The following KCNK13 variants were observed in gnomAD, a reference collection of about 807,000 sequenced individuals.
KCNK13 encodes potassium channel subfamily K member 13.
KCNK13 carries 12 observed loss-of-function variants against 23.4 expected under a neutral mutation model. The observed-to-expected ratio is 0.51, with a 90% CI of 0.33 to 0.83. The LOEUF is 0.83. Ranked by LOEUF, KCNK13 falls within the 40% of genes least tolerant of loss-of-function variation. KCNK13 has a pLI of 0.02. For synonymous variants in KCNK13, 231 were observed against 229.5 expected (o/e 1.01, Z -0.06); for missense variants, 463 against 556.3 (o/e 0.83, Z 1.69).
intron 1 of KCNK13, among the ~76,000 whole-genome samples, chr14:90,098,813 T>G (rs2140405010): frequency 6.6e-6 from 1 of 152,276 alleles, no homozygotes; most frequent in South Asian, 2.1e-4. Context: ...GCGCGGTGGC[T>G]CACGCCTGTA....
chr14:90,066,671 T>C (rs1391307577), intron 1 of KCNK13, among the ~76,000 whole-genome samples: 3 of 152,218 alleles, frequency 2.0e-5, no homozygotes, highest in Non-Finnish European at 2.9e-5. Flanking sequence ...TGGAAAATGC[T>C]ATTGAGGATT....
chr14:90,132,067 G>A (rs1283460848), intron 1 of KCNK13, among the ~76,000 whole-genome samples: 1 of 152,214 alleles, frequency 6.6e-6, no homozygotes, highest in Non-Finnish European at 1.5e-5. Context: ...ACAAAATGTG[G>A]TCTATACATA....
rs1890536531 is a variant in KCNK13, at chr14:90,185,115, G to C, written c.*112G>C. ...TCTGTTCCTTCTGGGAGCTGTTCCC[G>C]GGAGCCTCCGCAAGCATCTTTAGAA... On this transcript the variant is annotated 3_prime_UTR_variant, in exon 2 of 2. Transcript: ENST00000282146. 1.0e-6 allele frequency: 1 copy of C among 960,926 alleles called. No individual in the cohort carries two copies. The highest frequency in any genetic ancestry group is 2.7e-5 in the East Asian group (1 of 37,164). 59.5% of individuals were successfully genotyped at this position (960,926 alleles called of 1,614,324 possible). A position where few individuals can be genotyped will look rare whatever the true frequency, so the allele number is the denominator to read the frequency against.
intron 1 of KCNK13, among the ~76,000 whole-genome samples, chr14:90,154,548 G>T (rs971318274): frequency 1.3e-5 from 2 of 152,166 alleles, no homozygotes; most frequent in Non-Finnish European, 2.9e-5. Context: ...AGCCCATCCT[G>T]CAGTCTGTTT....
At chr14:90,064,236 G>A (rs1471668752) in intron 1 of KCNK13, among the ~76,000 whole-genome samples, 1 of 152,088 alleles carries the variant, frequency 6.6e-6, no homozygotes, top group Non-Finnish European at 1.5e-5. Flanking sequence ...TGCATAGCAA[G>A]TACAGGATTT....
At chr14:90,068,947 G>A (rs757720645) in intron 1 of KCNK13, among the ~76,000 whole-genome samples, 30 of 152,140 alleles carry the variant, frequency 2.0e-4, no homozygotes, top group African/African-American at 6.5e-4. Context: ...AAGATGACCC[G>A]GCTCATGAGG....
intron 1 of KCNK13, among the ~76,000 whole-genome samples, chr14:90,157,146 A>C (rs67161529): frequency 0.25 from 38,061 of 152,168 alleles, 6,052 homozygotes; most frequent in East Asian, 0.67. Context: ...TGCCATCTGG[A>C]CCATCAAAGA....
chr14:90,141,952 T>C (rs1181904885), intron 1 of KCNK13, among the ~76,000 whole-genome samples: 3 of 151,716 alleles, frequency 2.0e-5, no homozygotes, highest in Admixed American at 1.3e-4. Context: ...CTGGCTAATT[T>C]TTTTTTGTAT....
At chr14:90,073,817 C>T (rs1040027195) in intron 1 of KCNK13, among the ~76,000 whole-genome samples, 3 of 151,774 alleles carry the variant, frequency 2.0e-5, no homozygotes, top group Admixed American at 6.6e-5. Flanking sequence ...ATTACTGGCA[C>T]GTGCCACCAC....
intron 1 of KCNK13, among the ~76,000 whole-genome samples, chr14:90,092,339 C>G (rs1351107016): frequency 6.6e-6 from 1 of 152,214 alleles, no homozygotes. Flanking sequence ...CACTGCTAAA[C>G]TACATCCATC....
chr14:90,115,588 G>A (rs371052134), intron 1 of KCNK13, among the ~76,000 whole-genome samples: 2 of 152,198 alleles, frequency 1.3e-5, no homozygotes, highest in South Asian at 2.1e-4. Context: ...CAGGCTTGCC[G>A]ACTATATGGT....
At chr14:90,080,724 C>G (rs1207667623) in intron 1 of KCNK13, among the ~76,000 whole-genome samples, 1 of 152,156 alleles carries the variant, frequency 6.6e-6, no homozygotes, top group Non-Finnish European at 1.5e-5. Context: ...TTAGGATACT[C>G]CTCACCCTAG....
intron 1 of KCNK13, among the ~76,000 whole-genome samples, chr14:90,179,283 CT>C (rs1330180304): frequency 2.0e-5 from 3 of 151,170 alleles, no homozygotes; most frequent in Non-Finnish European, 4.4e-5. Flanking sequence ...TCTGCTCTGC[CT>C]TTGTGCCTGT....
intron 1 of KCNK13, among the ~76,000 whole-genome samples, chr14:90,171,397 T>A (rs923957380): frequency 6.6e-6 from 1 of 152,276 alleles, no homozygotes; most frequent in Non-Finnish European, 1.5e-5. Flanking sequence ...TTGATTTTCA[T>A]AATTCATAAA....
At chr14:90,180,208 TA>T (rs1890469752) in intron 1 of KCNK13, among the ~76,000 whole-genome samples, 2 of 152,306 alleles carry the variant, frequency 1.3e-5, no homozygotes, top group South Asian at 4.1e-4. Context: ...ACTAGTAGAC[TA>T]ATAATACCCA....
chr14:90,125,832 A>G (rs1889793281), intron 1 of KCNK13, among the ~76,000 whole-genome samples: 1 of 151,994 alleles, frequency 6.6e-6, no homozygotes, highest in Non-Finnish European at 1.5e-5. Context: ...AAACCATCCT[A>G]GGCAACATGG....
intron 1 of KCNK13, among the ~76,000 whole-genome samples, chr14:90,103,209 A>G (rs1889502411): frequency 6.6e-6 from 1 of 152,114 alleles, no homozygotes; most frequent in Non-Finnish European, 1.5e-5. Flanking sequence ...GGTTGATTCT[A>G]TGTCTTTGTT....
chr14:90,143,109 T>C (rs1448184779), intron 1 of KCNK13, among the ~76,000 whole-genome samples: 1 of 150,776 alleles, frequency 6.6e-6, no homozygotes, highest in African/African-American at 2.4e-5. Context: ...GGGACACCTT[T>C]ACAAATTTAT....
At chr14:90,101,039 A>T (rs1889470322) in intron 1 of KCNK13, among the ~76,000 whole-genome samples, 1 of 152,148 alleles carries the variant, frequency 6.6e-6, no homozygotes, top group Non-Finnish European at 1.5e-5. Context: ...GTGCTTTGCA[A>T]CTAAGGAGGT....
Sources: gnomAD v4.1 joint callset for allele counts (sites outside exome capture counted in the v4.1 genomes callset) on GRCh38, gnomAD v4.1.1 for gene constraint, MANE v1.5 for transcripts, NCBI Gene and HGNC (gene_info 2026-07-23, HGNC 2026-07-21) for gene names.